VWC2: variants seen among roughly 807,000 people sequenced by gnomAD.
VWC2 encodes the protein brorin.
VWC2 carries 14 observed loss-of-function variants against 29.8 expected under a neutral mutation model. That is an observed-to-expected ratio of 0.47 (90% CI 0.31 to 0.74). The LOEUF (loss-of-function observed/expected upper bound fraction) is 0.74, where lower values mean the gene tolerates loss of function less well. VWC2 is among the 30% of genes least tolerant of loss of function. VWC2 has a pLI of 0.05. For synonymous variants in VWC2, 213 were observed against 199.0 expected (o/e 1.07, Z -0.59); for missense variants, 457 against 459.8 (o/e 0.99, Z 0.05).
rs202121155 is a variant in VWC2 at position 49,802,844 on chromosome 7, T to C, written c.826+4T>C. 296 of 1,614,192 alleles carry C rather than the reference T, an allele frequency of 1.8e-4. No individual in the cohort carries two copies. The African/African-American group carries it at 3.1e-3, about 17-fold the overall frequency. On this transcript the variant is annotated splice_donor_region_variant and intron_variant, in intron 3 of 3. Transcript: ENST00000340652. The stretch of plus-strand genomic sequence containing the variant: ...TGCTGTCCCATCTGCAAAAATGGTA[T>C]GTGAGATCCCCGTTGGTGACGGGGT...
chr7:49,890,454 A>G (rs1477905436), intron 3 of VWC2, among the ~76,000 whole-genome samples: 1 of 152,218 alleles, frequency 6.6e-6, no homozygotes, highest in African/African-American at 2.4e-5. Flanking sequence ...GACTTTTTAC[A>G]GACCAATAAA....
intron 2 of VWC2, among the ~76,000 whole-genome samples, chr7:49,784,863 C>G (rs1447803677): frequency 6.6e-6 from 1 of 152,016 alleles, no homozygotes; most frequent in Non-Finnish European, 1.5e-5. Flanking sequence ...AGTAGTGTTC[C>G]AAGTAATGTG....
chr7:49,802,827 C>T lies in VWC2; in HGVS notation c.813C>T (p.Pro271=). The change falls in exon 3 of 4, where the codon CCC becomes CCT. Residue 271 remains proline (P), a synonymous_variant. Transcript: ENST00000340652. ...TGTACGAGCCTGATCAGTGCTGTCC[C>T]ATCTGCAAAAATGGTATGTGAGATC... ...DPVYEPDQCC[P]ICKNGPNCFA... 6.2e-7 allele frequency: 1 copy of T among 1,614,168 alleles called. No individual in the cohort carries two copies. The highest frequency in any genetic ancestry group is 8.5e-7 in the Non-Finnish European group (1 of 1,180,010).
intron 3 of VWC2, among the ~76,000 whole-genome samples, chr7:49,811,205 A>G (rs62454445): frequency 0.06 from 9,098 of 152,286 alleles, 368 homozygotes; most frequent in Non-Finnish European, 0.092. Context: ...GGATTGAAAG[A>G]CAGTTCAGCA....
intron 3 of VWC2, among the ~76,000 whole-genome samples, chr7:49,908,354 G>T (rs1313928608): frequency 6.6e-6 from 1 of 152,140 alleles, no homozygotes; most frequent in African/African-American, 2.4e-5. Flanking sequence ...CATTCAATTG[G>T]TGAGGGACTT....
At chr7:49,897,020 C>T (rs1202741329) in intron 3 of VWC2, among the ~76,000 whole-genome samples, 4 of 151,702 alleles carry the variant, frequency 2.6e-5, no homozygotes, top group South Asian at 2.1e-4. Flanking sequence ...CTCAGCCTCC[C>T]GAGTAGCTGG....
chr7:49,810,713 T>C (rs1400316958), intron 3 of VWC2, among the ~76,000 whole-genome samples: 1 of 152,198 alleles, frequency 6.6e-6, no homozygotes, highest in Non-Finnish European at 1.5e-5. Context: ...AGAAATCCAG[T>C]ATGCAAATCT....
At chr7:49,840,455 G>A (rs1371848262) in intron 3 of VWC2, among the ~76,000 whole-genome samples, 2 of 152,142 alleles carry the variant, frequency 1.3e-5, no homozygotes, top group East Asian at 3.9e-4. Flanking sequence ...TGTGCCAGCT[G>A]CTGCTTGGTA....
chr7:49,810,535 T>A (rs561666551), intron 3 of VWC2, among the ~76,000 whole-genome samples: 1 of 152,268 alleles, frequency 6.6e-6, no homozygotes, highest in African/African-American at 2.4e-5. Flanking sequence ...GACAGTCTGA[T>A]CCTATAATTC....
At position 49,912,334 on chromosome 7, in the gene VWC2, T is replaced by TA. The variant is rs1223499348; in HGVS notation, c.*150dup. 1.4e-6 allele frequency: 1 copy of TA among 737,028 alleles called. No individual in the cohort carries two copies. The highest frequency in any genetic ancestry group is 2.1e-6 in the Non-Finnish European group (1 of 476,460). The allele number at this position is 737,028 out of a possible 1,614,324, so 45.7% of individuals were successfully genotyped here. A position where few individuals can be genotyped will look rare whatever the true frequency, so the allele number is the denominator to read the frequency against. On this transcript the variant is annotated 3_prime_UTR_variant, in exon 4 of 4. Transcript: ENST00000340652. ...TACTTTTCCTTTTCTTGATAACAGTTACTACAACAGAAGGAAATGGATATA... is the reference window on the plus strand; with the variant it reads ...TACTTTTCCTTTTCTTGATAACAGTTAACTACAACAGAAGGAAATGGATATA...
chr7:49,908,085 TACATCTA>T, intron 3 of VWC2, among the ~76,000 whole-genome samples: 1 of 152,162 alleles, frequency 6.6e-6, no homozygotes, highest in Admixed American at 6.5e-5. Context: ...TGGGACAAAA[TACATCTA>T]TTTCTTTCAG....
chr7:49,786,451 G>C (rs1788300355), intron 2 of VWC2, among the ~76,000 whole-genome samples: 1 of 152,198 alleles, frequency 6.6e-6, no homozygotes, highest in South Asian at 2.1e-4. Flanking sequence ...ACATAGGAGT[G>C]CATGTGTCAT....
At position 49,917,930 on chromosome 7, in the gene VWC2, G is replaced by T. The variant is rs1793810225; in HGVS notation, c.*5745G>T. ...TATTTTCATTTCTATTAGTTTTCAGGGTTTATTCTTTTCCTAAGCATATAA... is the reference window on the plus strand; with the variant it reads ...TATTTTCATTTCTATTAGTTTTCAGTGTTTATTCTTTTCCTAAGCATATAA... On this transcript the variant is annotated 3_prime_UTR_variant, in exon 4 of 4. Transcript: ENST00000340652. 1 of 151,672 alleles carries T rather than the reference G, an allele frequency of 6.6e-6. No homozygotes were observed. Among genetic ancestry groups the T allele is most frequent in the Admixed American group, 6.6e-5 (1 of 15,212 alleles). 9.4% of individuals were successfully genotyped at this position (151,672 alleles called of 1,614,324 possible). A position where few individuals can be genotyped will look rare whatever the true frequency, so the allele number is the denominator to read the frequency against.
intron 3 of VWC2, among the ~76,000 whole-genome samples, chr7:49,810,452 G>A (rs1334492113): frequency 6.6e-6 from 1 of 152,084 alleles, no homozygotes; most frequent in Non-Finnish European, 1.5e-5. Context: ...CAAGATGTTA[G>A]TTCTTCCCAA....
At chr7:49,783,013 G>C (rs553144835) in intron 2 of VWC2, among the ~76,000 whole-genome samples, 43 of 152,186 alleles carry the variant, frequency 2.8e-4, no homozygotes, top group African/African-American at 5.1e-4. Flanking sequence ...GTGCAGCTCA[G>C]GGGGAGGTAG....
chr7:49,903,456 C>A lies in VWC2; in HGVS notation c.827-8578C>A, dbSNP rs374282915. ...CCACAACTTGGATAGATCTCAAAGGCTTTATGCTGAGTTTTAAAAGCCAAT... is the reference window on the plus strand; with the variant it reads ...CCACAACTTGGATAGATCTCAAAGGATTTATGCTGAGTTTTAAAAGCCAAT... On this transcript the variant is annotated intron_variant, in intron 3 of 3. Transcript: ENST00000340652. Among the ~76,000 whole-genome samples the A allele has an allele frequency of 1.5e-3, 229 of 152,216 alleles. 3 individuals carry two copies. The highest frequency in any genetic ancestry group is 5.3e-3 in the African/African-American group (219 of 41,536).
At position 49,776,129 on chromosome 7, in the gene VWC2, G is replaced by A. The variant is rs902987370; in HGVS notation, c.694G>A (p.Val232Met). 18 of 1,512,398 alleles carry A rather than the reference G, an allele frequency of 1.2e-5. No homozygotes were observed. The highest frequency in any genetic ancestry group is 2.5e-5 in the East Asian group (1 of 40,534). The allele number at this position is 1,512,398 out of a possible 1,614,324, so 93.7% of individuals were successfully genotyped here. ...GKTYQTLEEFVVSPCERCRCE... is the reference protein window; with the variant it reads ...GKTYQTLEEFMVSPCERCRCE... ...GACCTATCAGACTTTGGAGGAGTTC[G>A]TGGTAAGATGCGAACGCCCGCCGGG... is the stretch of plus-strand genomic sequence containing the variant. The change falls in exon 2 of 4, where the codon GTG (valine) becomes ATG (methionine). Residue 232 changes from valine (V) to methionine (M), a missense_variant and splice_region_variant. Around this residue, in one of 2 missense-constraint regions of VWC2, gnomAD observed 185 missense variants for 257.1 expected, o/e 0.72. Transcript: ENST00000340652.
At chr7:49,890,923 T>TA (rs76976636) in intron 3 of VWC2, among the ~76,000 whole-genome samples, 28,702 of 150,084 alleles carry the variant, frequency 0.19, 3,788 homozygotes, top group East Asian at 0.64. Context: ...TAAACAGGCA[T>TA]AAAAAAAAGG....
At chr7:49,807,138 A>G (rs1372321633) in intron 3 of VWC2, among the ~76,000 whole-genome samples, 2 of 152,196 alleles carry the variant, frequency 1.3e-5, no homozygotes, top group Non-Finnish European at 2.9e-5. Flanking sequence ...ATTGAGAGAA[A>G]TTAAAGAAGA....
Sources: allele counts gnomAD v4.1 joint callset (sites outside exome capture counted in the v4.1 genomes callset), GRCh38; gene constraint gnomAD v4.1.1; regional missense constraint gnomAD v4.1.1; transcripts MANE v1.5; gene names NCBI Gene and HGNC (gene_info 2026-07-23, HGNC 2026-07-21).